The following NDE1 variants were observed in gnomAD, a reference collection of about 807,000 sequenced individuals.
The protein encoded by NDE1 is nuclear distribution protein nudE homolog 1.
A neutral mutation model predicts 43.4 loss-of-function variants in NDE1; 28 were observed. The ratio of observed to expected loss-of-function variants is 0.65; its 90% CI spans 0.48 to 0.89. The LOEUF (loss-of-function observed/expected upper bound fraction) is 0.89, where lower values mean the gene tolerates loss of function less well. NDE1 is among the 40% of genes least tolerant of loss of function. The pLI is 0.00. For missense variants in NDE1, 441 were observed against 434.1 expected, an observed-to-expected ratio of 1.02 and a Z score of -0.14; for synonymous variants, 184 against 172.0, an observed-to-expected ratio of 1.07 and a Z score of -0.55.
chr16:15,663,505 G>A (rs2037152313), intron 1 of NDE1, among the ~76,000 whole-genome samples: 1 of 151,954 alleles, frequency 6.6e-6, no homozygotes, highest in Non-Finnish European at 1.5e-5. Flanking sequence ...GCCTCCCAGT[G>A]TGCTGGGATT....
intron 1 of NDE1, among the ~76,000 whole-genome samples, chr16:15,645,042 C>G (rs947439941): frequency 7.3e-5 from 11 of 151,642 alleles, no homozygotes; most frequent in African/African-American, 2.7e-4. Flanking sequence ...GCCTCAGCCT[C>G]CTGAGTAGCT....
At position 15,724,687 on chromosome 16, in the gene NDE1, T is replaced by C. The variant is rs773622802; in HGVS notation, c.*436T>C. 4 of 1,614,180 alleles carry C rather than the reference T, an allele frequency of 2.5e-6. No individual in the cohort carries two copies. The highest frequency in any genetic ancestry group is 3.4e-6 in the Non-Finnish European group (4 of 1,180,012). On this transcript the variant is annotated 3_prime_UTR_variant, in exon 9 of 9. Coordinates refer to ENST00000396354, the MANE Select transcript of NDE1 (RefSeq NM_017668.3). ...GGAGATGTGGCGCTCCAGGTTCTGC[T>C]TGGCCTCCATCTCCTCGTCCAGCTG... is the stretch of plus-strand genomic sequence containing the variant.
intron 8 of NDE1, among the ~76,000 whole-genome samples, chr16:15,706,797 A>T (rs933212208): frequency 1.3e-4 from 20 of 152,242 alleles, no homozygotes; most frequent in African/African-American, 4.8e-4. Context: ...CTCTTGGAAG[A>T]GTCTATTTGC....
intron 8 of NDE1, chr16:15,718,086 G>A (rs867085461): frequency 2.7e-5 from 18 of 658,702 alleles, no homozygotes; most frequent in East Asian, 8.5e-5. Context: ...AGCCAGCCAC[G>A]CCGTGGCTGG....
chr16:15,720,968 C>T lies in NDE1; in HGVS notation c.948-3223C>T, dbSNP rs747434041. 2.2e-5 allele frequency: 35 copies of T among 1,613,976 alleles called. No homozygotes were observed. The highest frequency in any genetic ancestry group is 2.8e-5 in the Non-Finnish European group (33 of 1,180,034). The stretch of plus-strand genomic sequence containing the variant: ...GTTTGGCGTCCTCCGTGGCTTGCAG[C>T]TCGTCCTCCAGCTCTTCCAGCTGCG... On this transcript the variant is annotated intron_variant, in intron 8 of 8. Coordinates refer to ENST00000396354, the MANE Select transcript of NDE1 (RefSeq NM_017668.3).
At position 15,717,055 on chromosome 16, in the gene NDE1, C is replaced by T. The variant is rs144011757; in HGVS notation, c.948-7136C>T. Reference sequence around the variant, plus strand: ...TGCTTCTTACAAGCCAGAACTGATGCTGGAAGAGGTTCCCTGACTTCACTA... The same window carrying T: ...TGCTTCTTACAAGCCAGAACTGATGTTGGAAGAGGTTCCCTGACTTCACTA... On this transcript the variant is annotated intron_variant, in intron 8 of 8. Transcript: ENST00000396354. 101 of 1,414,970 alleles carry T rather than the reference C, an allele frequency of 7.1e-5. 2 individuals carry two copies. Among genetic ancestry groups the T allele is most frequent in the Admixed American group, 3.5e-4 (21 of 59,760 alleles). The allele number at this position is 1,414,970 out of a possible 1,614,324, so 87.7% of individuals were successfully genotyped here.
At chr16:15,710,204 A>G (rs889584610) in intron 8 of NDE1, among the ~76,000 whole-genome samples, 21 of 152,168 alleles carry the variant, frequency 1.4e-4, no homozygotes, top group African/African-American at 5.1e-4. Context: ...CAGAACCCAC[A>G]GGAGGTGTCC....
intron 8 of NDE1, among the ~76,000 whole-genome samples, chr16:15,699,140 A>G (rs534253029): frequency 1.3e-5 from 2 of 152,122 alleles, no homozygotes; most frequent in South Asian, 4.2e-4. Flanking sequence ...TACACCTCTG[A>G]GACTGTAGTC....
intron 4 of NDE1, among the ~76,000 whole-genome samples, chr16:15,680,518 A>G (rs1380523012): frequency 1.3e-5 from 2 of 152,104 alleles, no homozygotes; most frequent in Middle Eastern, 3.4e-3. Flanking sequence ...TTTCTTGTCA[A>G]TCTGTAGGAG....
chr16:15,682,767 C>T (rs747123494), intron 4 of NDE1, among the ~76,000 whole-genome samples: 1 of 152,052 alleles, frequency 6.6e-6, no homozygotes, highest in Non-Finnish European at 1.5e-5. Flanking sequence ...CTCTGTAGCC[C>T]AGGCTGGAGT....
In NDE1 at chr16:15,720,972, T is replaced by C; in HGVS notation, c.948-3219T>C. 6.2e-7 allele frequency: 1 copy of C among 1,614,042 alleles called. No homozygotes were observed. The highest frequency in any genetic ancestry group is 8.5e-7 in the Non-Finnish European group (1 of 1,180,010). On this transcript the variant is annotated intron_variant, in intron 8 of 8. Transcript: ENST00000396354. Reference sequence around the variant, plus strand: ...GGCGTCCTCCGTGGCTTGCAGCTCGTCCTCCAGCTCTTCCAGCTGCGTCTT... The same window carrying C: ...GGCGTCCTCCGTGGCTTGCAGCTCGCCCTCCAGCTCTTCCAGCTGCGTCTT...
intron 3 of NDE1, among the ~76,000 whole-genome samples, chr16:15,669,857 G>A (rs745319618): frequency 2.6e-5 from 4 of 152,138 alleles, no homozygotes; most frequent in African/African-American, 4.8e-5. Flanking sequence ...AGCATTCCCC[G>A]CACCTCCAAG....
chr16:15,721,186 A>G, intron 8 of NDE1: 1 of 1,047,452 alleles, frequency 9.5e-7, no homozygotes, highest in South Asian at 1.4e-5. Context: ...CCGGGACTCA[A>G]GATGACCCCT....
intron 1 of NDE1, among the ~76,000 whole-genome samples, chr16:15,653,746 G>C (rs1366656191): frequency 8.1e-6 from 1 of 123,446 alleles, no homozygotes; most frequent in Non-Finnish European, 1.7e-5. Flanking sequence ...TTTTTTTTTT[G>C]AGACGGGTTC....
intron 3 of NDE1, among the ~76,000 whole-genome samples, chr16:15,677,067 G>C (rs1378531653): frequency 6.6e-6 from 1 of 152,076 alleles, no homozygotes; most frequent in Non-Finnish European, 1.5e-5. Context: ...AGGTGCTCAG[G>C]GGGCAGAGGC....
At position 15,674,753 on chromosome 16, in the gene NDE1, C is replaced by A. The variant is rs2037780178; in HGVS notation, c.238-3048C>A. 2.6e-5 allele frequency among the ~76,000 whole-genome samples: 4 copies of A among 152,166 alleles called. No homozygotes were observed. The South Asian group carries it at 8.3e-4, about 32-fold the overall frequency. ...AGATAGCTGGGTCTCACTCTGTTGC[C>A]CAGGTTGGAGTGCAGTGATGCAATC... On this transcript the variant is annotated intron_variant, in intron 3 of 8. Coordinates refer to ENST00000396354, the MANE Select transcript of NDE1 (RefSeq NM_017668.3).
chr16:15,658,506 GGAT>G lies in NDE1; in HGVS notation c.-43-6225_-43-6223del, dbSNP rs145817877. Reference sequence around the variant, plus strand: ...GCATATGCCTCTTCCCAGGTGTGGAGGATGATGTCAGATCCCTCTGAACTCATG... The same window carrying G: ...GCATATGCCTCTTCCCAGGTGTGGAGGATGTCAGATCCCTCTGAACTCATG... On this transcript the variant is annotated intron_variant, in intron 1 of 8. Coordinates refer to ENST00000396354, the MANE Select transcript of NDE1 (RefSeq NM_017668.3). Among the ~76,000 whole-genome samples the G allele has an allele frequency of 7.5e-3, 1,146 of 152,316 alleles. 12 individuals are homozygous for G. Among genetic ancestry groups the G allele is most frequent in the African/African-American group, 0.026 (1,101 of 41,574 alleles).
chr16:15,654,812 T>C (rs1442535858), intron 1 of NDE1, among the ~76,000 whole-genome samples: 2 of 148,428 alleles, frequency 1.3e-5, no homozygotes, highest in African/African-American at 5.0e-5. Context: ...AGAAACAGAG[T>C]GGTTGTCCTG....
intron 8 of NDE1, chr16:15,714,721 A>G: frequency 5.5e-6 from 4 of 723,518 alleles, no homozygotes; most frequent in Non-Finnish European, 9.3e-6. Context: ...CAGGCAAGGC[A>G]GGGCCCGGGT....
Sources: gnomAD v4.1 joint callset for allele counts (sites outside exome capture counted in the v4.1 genomes callset) on GRCh38, gnomAD v4.1.1 for gene constraint, MANE v1.5 for transcripts, NCBI Gene and HGNC (gene_info 2026-07-23, HGNC 2026-07-21) for gene names.